Variants in ERBB4 observed in about 807,000 individuals in gnomAD.
The protein encoded by ERBB4 is erb-b2 receptor tyrosine kinase 4, also known as receptor tyrosine-protein kinase erbB-4.
Under a neutral mutation model 158.0 loss-of-function variants are expected in ERBB4, and 42 were observed. That is an observed-to-expected ratio of 0.27 (90% CI 0.21 to 0.34). The LOEUF (loss-of-function observed/expected upper bound fraction) is 0.34. ERBB4 is among the 10% of genes least tolerant of loss of function. ERBB4 has a pLI of 1.00. For synonymous variants in ERBB4, 583 were observed against 558.7 expected (o/e 1.04, Z -0.61); for missense variants, 1,333 against 1,624.1 (o/e 0.82, Z 3.08).
At chr2:212,123,639 C>T (rs1038463065) in intron 2 of ERBB4, among the ~76,000 whole-genome samples, 2 of 152,054 alleles carry the variant, frequency 1.3e-5, no homozygotes, top group Non-Finnish European at 2.9e-5. Context: ...CTATGAGAGT[C>T]GTTTTAAAAA....
At chr2:212,115,458 G>C (rs1348507750) in intron 2 of ERBB4, among the ~76,000 whole-genome samples, 1 of 151,940 alleles carries the variant, frequency 6.6e-6, no homozygotes, top group Non-Finnish European at 1.5e-5. Flanking sequence ...TCCAATGTTT[G>C]GTTTTTAGAA....
chr2:212,341,501 T>C (rs1560063714), intron 1 of ERBB4, among the ~76,000 whole-genome samples: 1 of 152,122 alleles, frequency 6.6e-6, no homozygotes, highest in Non-Finnish European at 1.5e-5. Flanking sequence ...CAAATTTCAG[T>C]CCATGGGTAA....
intron 1 of ERBB4, among the ~76,000 whole-genome samples, chr2:212,276,217 A>G (rs2085529359): frequency 1.3e-5 from 2 of 151,796 alleles, no homozygotes. Flanking sequence ...CAGAATGCCT[A>G]GAACATAGTA....
intron 1 of ERBB4, among the ~76,000 whole-genome samples, chr2:212,281,953 C>A (rs2085774561): frequency 6.6e-6 from 1 of 151,686 alleles, no homozygotes. Context: ...GTTTATAAAA[C>A]TAAAAGTCAA....
intron 1 of ERBB4, among the ~76,000 whole-genome samples, chr2:212,406,857 C>G (rs1321059578): frequency 6.6e-6 from 1 of 152,098 alleles, no homozygotes; most frequent in East Asian, 1.9e-4. Flanking sequence ...GGTGACTCTC[C>G]TCTTCCTCTC....
chr2:211,511,821 C>T (rs780256719), intron 20 of ERBB4, among the ~76,000 whole-genome samples: 41 of 151,984 alleles, frequency 2.7e-4, no homozygotes, highest in Non-Finnish European at 4.6e-4. Context: ...TTTTCCCCTA[C>T]GCCATTGTTT....
chr2:212,532,606 C>T (rs960679097), intron 1 of ERBB4, among the ~76,000 whole-genome samples: 5 of 152,176 alleles, frequency 3.3e-5, no homozygotes, highest in African/African-American at 7.2e-5. Flanking sequence ...AAAGGTAAGG[C>T]GATTGAGACA....
At chr2:212,523,572 T>TA (rs34619293) in intron 1 of ERBB4, among the ~76,000 whole-genome samples, 91,489 of 151,406 alleles carry the variant, frequency 0.6, 29,652 homozygotes, top group African/African-American at 0.84. Flanking sequence ...GAATGACAAT[T>TA]AAAAAAAATC....
At chr2:211,672,765 T>C (rs1035480386) in intron 14 of ERBB4, among the ~76,000 whole-genome samples, 1 of 152,196 alleles carries the variant, frequency 6.6e-6, no homozygotes, top group Non-Finnish European at 1.5e-5. Flanking sequence ...CACTTCTCTA[T>C]AGCCTATCTT....
chr2:211,946,968 A>G (rs542080802), intron 3 of ERBB4, among the ~76,000 whole-genome samples: 84 of 152,246 alleles, frequency 5.5e-4, no homozygotes, highest in African/African-American at 1.9e-3. Flanking sequence ...CTACTGAATA[A>G]GAGAAATCAA....
chr2:211,993,150 C>A (rs1204191514), intron 2 of ERBB4, among the ~76,000 whole-genome samples: 3 of 152,126 alleles, frequency 2.0e-5, no homozygotes, highest in Non-Finnish European at 4.4e-5. Context: ...AAGACTCTGG[C>A]ACCTTAGAAT....
chr2:211,709,250 T>TATAC (rs796457073), intron 9 of ERBB4, among the ~76,000 whole-genome samples: 16 of 124,294 alleles, frequency 1.3e-4, no homozygotes, highest in African/African-American at 5.1e-4. Flanking sequence ...TATATATATA[T>TATAC]ACACATATAT....
chr2:211,970,831 G>A (rs1221712597), intron 2 of ERBB4, among the ~76,000 whole-genome samples: 1 of 152,108 alleles, frequency 6.6e-6, no homozygotes. Context: ...TCCTTATCCA[G>A]ATTGCCATTC....
At chr2:211,655,296 C>G (rs79960938) in intron 16 of ERBB4, among the ~76,000 whole-genome samples, 3 of 152,042 alleles carry the variant, frequency 2.0e-5, no homozygotes, top group Non-Finnish European at 2.9e-5. Flanking sequence ...CTCCTTCCCC[C>G]GGGAAGCACG....
intron 1 of ERBB4, among the ~76,000 whole-genome samples, chr2:212,257,983 A>T (rs1313629810): frequency 6.6e-6 from 1 of 152,110 alleles, no homozygotes. Flanking sequence ...CTCTCAATTC[A>T]TCCTGTTTAT....
chr2:212,143,582 C>A (rs1026394791), intron 1 of ERBB4, among the ~76,000 whole-genome samples: 6 of 151,982 alleles, frequency 3.9e-5, no homozygotes, highest in African/African-American at 1.5e-4. Flanking sequence ...ATGGCTGTGA[C>A]TCACATAGAA....
intron 1 of ERBB4, among the ~76,000 whole-genome samples, chr2:212,245,161 C>T (rs1422510124): frequency 6.6e-6 from 1 of 151,934 alleles, no homozygotes; most frequent in Non-Finnish European, 1.5e-5. Context: ...GAAACACACA[C>T]TTATCATAGA....
chr2:212,487,507 T>C (rs1049489624), intron 1 of ERBB4, among the ~76,000 whole-genome samples: 12 of 151,176 alleles, frequency 7.9e-5, no homozygotes, highest in African/African-American at 2.9e-4. Context: ...TGAAACACCA[T>C]AGAGAAGAAG....
intron 1 of ERBB4, among the ~76,000 whole-genome samples, chr2:212,450,375 A>G (rs6435705): frequency 0.51 from 77,895 of 151,888 alleles, 21,678 homozygotes; most frequent in African/African-American, 0.74. Flanking sequence ...TGAGCCCAGT[A>G]TAATCCTTTT....
Sources: allele counts gnomAD v4.1 joint callset (sites outside exome capture counted in the v4.1 genomes callset), GRCh38; gene constraint gnomAD v4.1.1; transcripts MANE v1.5; gene names NCBI Gene and HGNC (gene_info 2026-07-23, HGNC 2026-07-21).